The following TSPEAR variants were observed in gnomAD, a reference collection of about 807,000 sequenced individuals.
The protein encoded by TSPEAR is thrombospondin-type laminin G domain and EAR repeat-containing protein.
A neutral mutation model predicts 71.6 loss-of-function variants in TSPEAR; 69 were observed. The ratio of observed to expected loss-of-function variants is 0.96; its 90% CI spans 0.79 to 1.18. The LOEUF (loss-of-function observed/expected upper bound fraction) is 1.18. Among genes scored for constraint, TSPEAR ranks in the 50% most tolerant of loss-of-function variants. TSPEAR has a pLI of 0.00. For missense variants in TSPEAR, 971 were observed against 894.9 expected, an observed-to-expected ratio of 1.09 and a Z score of -1.09; for synonymous variants, 402 against 387.2, an observed-to-expected ratio of 1.04 and a Z score of -0.45.
At chr21:44,702,562 A>T (rs1463602768) in intron 1 of TSPEAR, 6 of 1,609,244 alleles carry the variant, frequency 3.7e-6, no homozygotes, top group Non-Finnish European at 5.1e-6. Flanking sequence ...CCAGCAGTCT[A>T]GCTGCCAGCC....
At chr21:44,563,966 C>G (rs587702461) in intron 2 of TSPEAR, among the ~76,000 whole-genome samples, 1 of 152,286 alleles carries the variant, frequency 6.6e-6, no homozygotes, top group South Asian at 2.1e-4. Flanking sequence ...ACTGAACAGC[C>G]CCTTCACCAC....
chr21:44,590,926 A>C (rs73907036), intron 1 of TSPEAR, among the ~76,000 whole-genome samples: 12,164 of 151,302 alleles, frequency 0.08, 841 homozygotes, highest in African/African-American at 0.25. Flanking sequence ...CAGCACCAGA[A>C]GGCATTGCTT....
rs1601432485 is a variant in TSPEAR, at chr21:44,574,106, G to A, written c.83-6101C>T. The stretch of plus-strand genomic sequence containing the variant: ...CCTGCTGCGTGCCCGTCTGCTGCAA[G>A]ACTGTCTGCTGCAAGCCTGTGTGCT... On this transcript the variant is annotated intron_variant, in intron 1 of 11. Coordinates refer to ENST00000323084, the MANE Select transcript of TSPEAR (RefSeq NM_144991.3). 1.9e-6 allele frequency: 3 copies of A among 1,596,988 alleles called. No individual in the cohort carries two copies. In the Admixed American group the frequency reaches 5.1e-5, roughly 27 times the overall value.
chr21:44,699,709 C>T (rs1326756762), intron 1 of TSPEAR, among the ~76,000 whole-genome samples: 5 of 152,232 alleles, frequency 3.3e-5, no homozygotes. Context: ...TGACTTTTCT[C>T]TATGTGCGTT....
At chr21:44,678,897 G>A (rs1395227950) in intron 1 of TSPEAR, among the ~76,000 whole-genome samples, 1 of 152,202 alleles carries the variant, frequency 6.6e-6, no homozygotes, top group Non-Finnish European at 1.5e-5. Context: ...CATCTTGGAT[G>A]CTAATCTGCC....
intron 2 of TSPEAR, among the ~76,000 whole-genome samples, chr21:44,541,965 C>G (rs140878149): frequency 1.3e-5 from 2 of 152,128 alleles, no homozygotes; most frequent in East Asian, 1.9e-4. Context: ...GAAGACAAGA[C>G]CAACTGACCA....
At chr21:44,632,236 A>G (rs1983298739) in intron 1 of TSPEAR, among the ~76,000 whole-genome samples, 1 of 152,228 alleles carries the variant, frequency 6.6e-6, no homozygotes, top group Non-Finnish European at 1.5e-5. Context: ...TAAATTATTG[A>G]AAGCCAAAGA....
chr21:44,576,258 G>A (rs1317570288), intron 1 of TSPEAR, among the ~76,000 whole-genome samples: 1 of 152,194 alleles, frequency 6.6e-6, no homozygotes, highest in African/African-American at 2.4e-5. Flanking sequence ...CGGAGTGGAA[G>A]GGAGTGCATA....
Position 44,504,881 on chromosome 21 carries a change from A to G in TSPEAR, c.1755T>C (p.Ser585=). 6.2e-7 allele frequency: 1 copy of G among 1,611,980 alleles called. No individual in the cohort carries two copies. The highest frequency in any genetic ancestry group is 1.3e-5 in the African/African-American group (1 of 74,946). The change falls in exon 11 of 12, where the codon AGT becomes AGC. Residue 585 remains serine, a splice_region_variant and synonymous_variant. Coordinates refer to ENST00000323084, the MANE Select transcript of TSPEAR (RefSeq NM_144991.3). ...FVKFQDILTC[S]ALDWEFFSVG... ...CCGAGAAAAACTCCCAGTCCAGAGC[A>G]CTGCAGGAACAAGTGGGTGGATATT...
chr21:44,702,415 C>A (rs1987699209), intron 1 of TSPEAR: 1 of 1,423,554 alleles, frequency 7.0e-7, no homozygotes, highest in Non-Finnish European at 9.3e-7. Flanking sequence ...GTGCTGCCAG[C>A]AGTCTAGCTG....
chr21:44,531,265 C>A (rs1210638151), intron 3 of TSPEAR, 132 bp from the exon 4 acceptor site: 4 of 695,536 alleles, frequency 5.8e-6, no homozygotes, highest in Non-Finnish European at 9.7e-6. Flanking sequence ...AAGGATGGCA[C>A]ACAGGGCTGA....
Position 44,520,755 on chromosome 21 carries a change from G to GTATGTATGGAATGT in TSPEAR, c.1566+1114_1566+1127dup, listed in dbSNP as rs1373169090. On this transcript the variant is annotated intron_variant, in intron 9 of 11. Coordinates refer to ENST00000323084, the MANE Select transcript of TSPEAR (RefSeq NM_144991.3). The surrounding 1 kb of genome is among the most constrained non-coding windows in gnomAD (Gnocchi z 4.2). Reference sequence around the variant, plus strand: ...ACCTGCAGGCTTGCTCTAATGAGATGTATGTATGGAATGTTATGTATGGAA... The same window carrying GTATGTATGGAATGT: ...ACCTGCAGGCTTGCTCTAATGAGATGTATGTATGGAATGTTATGTATGGAATGTTATGTATGGAA... 5.9e-5 allele frequency: 9 copies of GTATGTATGGAATGT among 152,208 alleles called. No homozygotes were observed. Among genetic ancestry groups the GTATGTATGGAATGT allele is most frequent in the Admixed American group, 2.6e-4 (4 of 15,276 alleles). The allele number at this position is 152,208 out of a possible 1,614,324, so 9.4% of individuals were successfully genotyped here. A position where few individuals can be genotyped will look rare whatever the true frequency, so the allele number is the denominator to read the frequency against.
rs77009190 is a variant in TSPEAR, at chr21:44,580,309, C to T, written c.83-12304G>A. On this transcript the variant is annotated intron_variant, in intron 1 of 11. Coordinates refer to ENST00000323084, the MANE Select transcript of TSPEAR (RefSeq NM_144991.3). The stretch of plus-strand genomic sequence containing the variant: ...AGCACACAGGCTTGCAGCAGACGGG[C>T]ACGCAGCAGGCCTGCTGGCAGGGGG... 2,842 of 1,613,970 alleles carry T rather than the reference C, an allele frequency of 1.8e-3. 50 individuals carry two copies. In the African/African-American group the frequency reaches 0.031, roughly 18 times the overall value.
At position 44,600,902 on chromosome 21, in the gene TSPEAR, G is replaced by A. The variant is rs200656151; in HGVS notation, c.83-32897C>T. ...ACGCCCTCGTGCTGCCAGCAGTCTA[G>A]CTGCCAGCTGGCTTGCTGTGCCTCC... On this transcript the variant is annotated intron_variant, in intron 1 of 11. Transcript: ENST00000323084. 624 of 1,612,048 alleles carry A rather than the reference G, an allele frequency of 3.9e-4. 3 individuals are homozygous for A. In the African/African-American group the frequency reaches 6.7e-3, roughly 17 times the overall value.
At chr21:44,679,685 CA>C (rs1184334320) in intron 1 of TSPEAR, among the ~76,000 whole-genome samples, 1 of 152,152 alleles carries the variant, frequency 6.6e-6, no homozygotes, top group Admixed American at 6.5e-5. Flanking sequence ...GGTATAAAAC[CA>C]GACACATAGA....
intron 1 of TSPEAR, among the ~76,000 whole-genome samples, chr21:44,575,856 G>A (rs181707159): frequency 6.6e-6 from 1 of 152,282 alleles, no homozygotes; most frequent in East Asian, 1.9e-4. Flanking sequence ...TGTGTGAGCA[G>A]AATCATCTCC....
chr21:44,622,159 A>G (rs1982478450), intron 1 of TSPEAR, among the ~76,000 whole-genome samples: 2 of 152,234 alleles, frequency 1.3e-5, no homozygotes, highest in African/African-American at 4.8e-5. Flanking sequence ...ATACAAACTT[A>G]AACCCCAAAG....
In TSPEAR at chr21:44,567,917, C is replaced by A. The variant is rs1555921952; in HGVS notation, c.171G>T (p.Arg57=). ...GGGCGGCTACTGAGAGCTGGAGTCC[C>A]CGTGCACCGTGAACCTGAACTATCC... is the stretch of plus-strand genomic sequence containing the variant. ...GIRIVQVHGA[R]GLQLSVAAPR... is the part of the protein sequence containing the mutation. Residue 57 remains arginine (R), a synonymous_variant, in exon 2 of 12, where the codon CGG becomes CGT. Transcript: ENST00000323084. The A allele has an allele frequency of 6.2e-7, 1 of 1,605,680 alleles. No homozygotes were observed. The highest frequency in any genetic ancestry group is 2.2e-5 in the East Asian group (1 of 44,642).
intron 1 of TSPEAR, among the ~76,000 whole-genome samples, chr21:44,633,154 T>C (rs1403889488): frequency 6.6e-6 from 1 of 152,198 alleles, no homozygotes; most frequent in Admixed American, 6.5e-5. Context: ...AATTTTATTG[T>C]TGCTTTCAAA....
Sources: gnomAD v4.1 joint callset for allele counts (sites outside exome capture counted in the v4.1 genomes callset) on GRCh38, gnomAD v4.1.1 for gene constraint, Gnocchi (gnomAD v3.1) non-coding constraint, MANE v1.5 for transcripts, NCBI Gene and HGNC (gene_info 2026-07-23, HGNC 2026-07-21) for gene names.